Variants in COL5A1 observed in about 807,000 individuals in gnomAD.
The protein encoded by COL5A1 is collagen alpha-1(V) chain.
COL5A1 carries 16 observed loss-of-function variants against 263.7 expected under a neutral mutation model. That is an observed-to-expected ratio of 0.06 (90% CI 0.04 to 0.09). The LOEUF is 0.09. Ranked by LOEUF, COL5A1 falls within the 10% of genes least tolerant of loss-of-function variation. The pLI, the probability that COL5A1 is intolerant of heterozygous loss-of-function variation, is 1.00. For missense variants in COL5A1, 2,036 were observed against 2,540.5 expected (o/e 0.80, Z 4.27); for synonymous variants, 1,012 against 1,004.5 (o/e 1.01, Z -0.14).
chr9:134,813,282 C>T (rs183629272), intron 48 of COL5A1, among the ~76,000 whole-genome samples: 10 of 150,768 alleles, frequency 6.6e-5, no homozygotes, highest in African/African-American at 2.5e-4. Flanking sequence ...ACAGCATTTG[C>T]CTGACTGCAA....
At chr9:134,670,703 C>G (rs556796704) in intron 1 of COL5A1, among the ~76,000 whole-genome samples, 1 of 152,300 alleles carries the variant, frequency 6.6e-6, no homozygotes, top group Non-Finnish European at 1.5e-5. Flanking sequence ...AGCTTTAGAC[C>G]TCTCCTCCCA....
chr9:134,817,574 G>A (rs977872932), intron 53 of COL5A1, among the ~76,000 whole-genome samples: 13 of 152,124 alleles, frequency 8.5e-5, no homozygotes, highest in Admixed American at 4.6e-4. Flanking sequence ...CTGAGGACCC[G>A]TGTCACTGCG....
Position 134,678,443 on chromosome 9 carries a change from C to A in COL5A1, c.110-12469C>A, listed in dbSNP as rs1220807142. 6.6e-6 allele frequency among the ~76,000 whole-genome samples: 1 copy of A among 152,222 alleles called. No homozygotes were observed. Among genetic ancestry groups the A allele is most frequent in the Non-Finnish European group, 1.5e-5 (1 of 68,044 alleles). On this transcript the variant is annotated intron_variant, in intron 1 of 65. Transcript: ENST00000371817. This position sits in a 1 kb window ranked among gnomAD's most constrained non-coding sequence, Gnocchi z 5.5. ...CCCAACAACAGGCTCATTGCAGTGG[C>A]CTGCCGCCCCGGTGTGTGTCCCTGA...
At chr9:134,759,724 C>A (rs1588513096) in intron 18 of COL5A1, among the ~76,000 whole-genome samples, 1 of 100,176 alleles carries the variant, frequency 1.0e-5, no homozygotes, top group Non-Finnish European at 1.9e-5. Context: ...CCCCCCACCC[C>A]CACACTCATA....
intron 11 of COL5A1, 138 bp from the exon 12 acceptor site, chr9:134,750,404 G>T: frequency 1.3e-6 from 1 of 775,858 alleles, no homozygotes. Context: ...AAACATTCCT[G>T]CCACGGGGTC....
chr9:134,809,380 C>A, intron 43 of COL5A1, 90 bp downstream of exon 43: 1 of 1,032,384 alleles, frequency 9.7e-7, no homozygotes, highest in Non-Finnish European at 1.5e-6. Flanking sequence ...AGGATGCTGG[C>A]AGGTAGAGCG....
intron 21 of COL5A1, 150 bp from the exon 22 acceptor site, chr9:134,766,304 A>C: frequency 1.3e-6 from 1 of 761,264 alleles, no homozygotes; most frequent in Non-Finnish European, 2.3e-6. Flanking sequence ...AGGGATTTGG[A>C]GTCAGGTCCT....
At position 134,754,466 on chromosome 9, in the gene COL5A1, TC is replaced by T; in HGVS notation, c.1827+144del. 1.0e-6 allele frequency: 1 copy of T among 961,770 alleles called. No homozygotes were observed. Among genetic ancestry groups the T allele is most frequent in the Non-Finnish European group, 1.6e-6 (1 of 607,898 alleles). The allele number at this position is 961,770 out of a possible 1,614,324, so 59.6% of individuals were successfully genotyped here. ...CCCCTTCTTGTGATGGGTGCGTCCA[TC>T]CCCAAGGCTGCCTCTGAGCCAGCTG... On this transcript the variant is annotated intron_variant, in intron 16 of 65. Coordinates refer to ENST00000371817, the MANE Select transcript of COL5A1 (RefSeq NM_000093.5). The surrounding 1 kb of genome is among the most constrained non-coding windows in gnomAD (Gnocchi z 4.3).
chr9:134,792,920 C>T (rs181025909), intron 32 of COL5A1, among the ~76,000 whole-genome samples: 1,131 of 40,576 alleles, frequency 0.028, 14 homozygotes, highest in African/African-American at 0.078. Flanking sequence ...CGTGTGTGTG[C>T]GCATGTGTAT....
chr9:134,731,011 A>T (rs922630292), intron 7 of COL5A1, among the ~76,000 whole-genome samples: 6 of 152,222 alleles, frequency 3.9e-5, no homozygotes, highest in African/African-American at 9.6e-5. Context: ...CCTTTCCAAC[A>T]TGGCACTGAC....
chr9:134,642,115 C>G lies in COL5A1; in HGVS notation c.-73C>G. 5 of 1,204,620 alleles carry G rather than the reference C, an allele frequency of 4.2e-6. No homozygotes were observed. The highest frequency in any genetic ancestry group is 5.2e-6 in the Non-Finnish European group (5 of 964,348). 74.6% of individuals were successfully genotyped at this position (1,204,620 alleles called of 1,614,324 possible). Reference sequence around the variant, plus strand: ...TCCCTGCTGAGTGCGCTGCCCGGGCCGTGACCCGCGCCCCTGTGCGTCCCC... The same window carrying G: ...TCCCTGCTGAGTGCGCTGCCCGGGCGGTGACCCGCGCCCCTGTGCGTCCCC... On this transcript the variant is annotated 5_prime_UTR_variant, in exon 1 of 66. Transcript: ENST00000371817. The surrounding 1 kb of genome is among the most constrained non-coding windows in gnomAD (Gnocchi z 4.5).
Position 134,842,174 on chromosome 9 carries a change from G to A in COL5A1, c.5388G>A (p.Gln1796=). 6.2e-7 allele frequency: 1 copy of A among 1,614,110 alleles called. No homozygotes were observed. The highest frequency in any genetic ancestry group is 8.5e-7 in the Non-Finnish European group (1 of 1,180,026). Residue 1796 remains glutamine, a synonymous_variant, in exon 66 of 66, where the codon CAG becomes CAA. Coordinates refer to ENST00000371817, the MANE Select transcript of COL5A1 (RefSeq NM_000093.5). The surrounding 1 kb of genome is among the most constrained non-coding windows in gnomAD (Gnocchi z 5.8). ...VDGCATKKGY[Q]KTVLEIDTPK... ...TTCCCCAGACCAAGAAAGGCTACCAGAAGACGGTTCTGGAGATCGACACCC... is the reference window on the plus strand; with the variant it reads ...TTCCCCAGACCAAGAAAGGCTACCAAAAGACGGTTCTGGAGATCGACACCC...
Position 134,730,088 on chromosome 9 carries a change from C to T in COL5A1, c.925-148C>T, listed in dbSNP as rs549239161. ...GCCCCATGGATGGGGGCGGCCCCTG[C>T]ACCCAAGAGGTCTCTGGGCCTCTTG... On this transcript the variant is annotated intron_variant, in intron 6 of 65. Transcript: ENST00000371817. 2.2e-4 allele frequency: 269 copies of T among 1,210,540 alleles called. No homozygotes were observed. The African/African-American group carries it at 3.3e-3, about 15-fold the overall frequency. The allele number at this position is 1,210,540 out of a possible 1,614,324, so 75.0% of individuals were successfully genotyped here.
chr9:134,785,708 C>A (rs975399630), intron 30 of COL5A1, among the ~76,000 whole-genome samples: 1 of 152,232 alleles, frequency 6.6e-6, no homozygotes, highest in Non-Finnish European at 1.5e-5. Flanking sequence ...TGAGTTGAGG[C>A]ATTTGCCTCT....
At chr9:134,656,534 T>C (rs1831979610) in intron 1 of COL5A1, among the ~76,000 whole-genome samples, 1 of 152,100 alleles carries the variant, frequency 6.6e-6, no homozygotes, top group Admixed American at 6.5e-5. Flanking sequence ...CTGGCAGCTG[T>C]GAGGATCTAA....
chr9:134,797,834 A>C (rs1051906979), intron 36 of COL5A1, among the ~76,000 whole-genome samples: 2 of 152,176 alleles, frequency 1.3e-5, no homozygotes, highest in African/African-American at 4.8e-5. Flanking sequence ...GGCTGGGCCC[A>C]CACCCATCTA....
intron 1 of COL5A1, among the ~76,000 whole-genome samples, chr9:134,679,627 G>A (rs1189409724): frequency 3.1e-5 from 3 of 97,716 alleles, no homozygotes; most frequent in African/African-American, 4.3e-5. Context: ...GGGGCACTGC[G>A]GGGCTTCTTA....
At chr9:134,669,334 CCTT>C (rs1832468879) in intron 1 of COL5A1, among the ~76,000 whole-genome samples, 1 of 134,674 alleles carries the variant, frequency 7.4e-6, no homozygotes, top group African/African-American at 2.8e-5. Flanking sequence ...TTCCTTCCTT[CCTT>C]CCTTCTTTCC....
intron 11 of COL5A1, among the ~76,000 whole-genome samples, chr9:134,747,868 T>C (rs1281311987): frequency 7.1e-6 from 1 of 140,730 alleles, no homozygotes; most frequent in African/African-American, 2.7e-5. Context: ...CATACACACA[T>C]GCAGACACAT....
Sources: gnomAD v4.1 joint callset for allele counts (sites outside exome capture counted in the v4.1 genomes callset) on GRCh38, gnomAD v4.1.1 for gene constraint, Gnocchi (gnomAD v3.1) non-coding constraint, MANE v1.5 for transcripts, NCBI Gene and HGNC (gene_info 2026-07-23, HGNC 2026-07-21) for gene names.